Variants in XRN2 observed in about 807,000 individuals in gnomAD.
The protein encoded by XRN2 is 5'-3' exoribonuclease 2.
A neutral mutation model predicts 138.5 loss-of-function variants in XRN2; 44 were observed. The observed-to-expected ratio is 0.32, with a 90% confidence interval of 0.25 to 0.41. The LOEUF is 0.41. Among genes scored for constraint, XRN2 ranks in the 10% least tolerant of loss-of-function variants. XRN2 has a pLI of 1.00. For synonymous variants in XRN2, 354 were observed against 369.4 expected (o/e 0.96, Z 0.48); for missense variants, 937 against 1,169.3 (o/e 0.80, Z 2.90).
intron 13 of XRN2, among the ~76,000 whole-genome samples, chr20:21,336,089 G>C (rs1397167472): frequency 6.6e-6 from 1 of 152,214 alleles, no homozygotes; most frequent in African/African-American, 2.4e-5. Flanking sequence ...GTGGTCTTCT[G>C]TTTGTGCGTG....
intron 20 of XRN2, among the ~76,000 whole-genome samples, chr20:21,354,414 A>G (rs546846339): frequency 4.5e-4 from 68 of 152,312 alleles, no homozygotes; most frequent in African/African-American, 1.6e-3. Flanking sequence ...GAAAGGACAC[A>G]CTCAAGCCCT....
At chr20:21,332,758 C>A (rs1444202055) in intron 9 of XRN2, among the ~76,000 whole-genome samples, 1 of 152,082 alleles carries the variant, frequency 6.6e-6, no homozygotes, top group East Asian at 1.9e-4. Flanking sequence ...ACACACTCAT[C>A]CTTTCTACTT....
chr20:21,350,912 A>C (rs910804107), intron 20 of XRN2, among the ~76,000 whole-genome samples: 3 of 152,160 alleles, frequency 2.0e-5, no homozygotes, highest in African/African-American at 7.2e-5. Flanking sequence ...ATCATGTATT[A>C]TTACATGTTA....
chr20:21,375,615 T>C (rs2038811746), intron 27 of XRN2, among the ~76,000 whole-genome samples: 1 of 151,790 alleles, frequency 6.6e-6, no homozygotes, highest in South Asian at 2.1e-4. Context: ...TCCAATAATC[T>C]TTTAAAAATA....
intron 1 of XRN2, among the ~76,000 whole-genome samples, chr20:21,305,227 A>T (rs2037799222): frequency 6.6e-6 from 1 of 151,944 alleles, no homozygotes; most frequent in Admixed American, 6.6e-5. Context: ...CTTCAGTGGG[A>T]GGTACTGTTT....
chr20:21,360,301 C>T (rs1230177139), intron 24 of XRN2, among the ~76,000 whole-genome samples: 1 of 152,188 alleles, frequency 6.6e-6, no homozygotes, highest in Non-Finnish European at 1.5e-5. Context: ...CTTCAATACC[C>T]TTTGACCTCC....
intron 27 of XRN2, among the ~76,000 whole-genome samples, chr20:21,376,209 A>G (rs2038821247): frequency 6.6e-6 from 1 of 151,880 alleles, no homozygotes; most frequent in Admixed American, 6.6e-5. Flanking sequence ...CACAGATTTA[A>G]CCAGGCGTGG....
chr20:21,342,349 A>T (rs2038382760), intron 15 of XRN2, among the ~76,000 whole-genome samples: 1 of 152,030 alleles, frequency 6.6e-6, no homozygotes, highest in South Asian at 2.1e-4. Context: ...ATTATATCTA[A>T]TTTGATGAAA....
At chr20:21,344,054 GA>G in intron 15 of XRN2, 35 bp from the exon 16 acceptor site, 1 of 1,486,064 alleles carries the variant, frequency 6.7e-7, no homozygotes, top group Non-Finnish European at 9.4e-7. Context: ...AATGAATAAT[GA>G]AATCCTTCTT....
Position 21,354,795 on chromosome 20 carries a change from C to G in XRN2, c.1943C>G (p.Ala648Gly), listed in dbSNP as rs765804777. Residue 648 changes from alanine (A) to glycine (G), a missense_variant, in exon 21 of 30, where the codon GCT (alanine) becomes GGT (glycine). Ala to Gly is a moderately conservative substitution (Grantham distance 60). This residue lies in a region of XRN2 where 372 missense variants were observed against 414.4 expected (regional missense o/e 0.90). Transcript: ENST00000377191. ...TTTGCACTTGTTTTTTCAGGTGTTG[C>G]TCTCTTGCCATTCGTGGATGAGCGA... ...NGKKYAWQGVALLPFVDERRL... is the reference protein window; with the variant it reads ...NGKKYAWQGVGLLPFVDERRL... The G allele has an allele frequency of 3.1e-6, 5 of 1,613,890 alleles. No homozygotes were observed. The highest frequency in any genetic ancestry group is 1.7e-5 in the Admixed American group (1 of 60,002).
intron 1 of XRN2, among the ~76,000 whole-genome samples, 197 bp from the exon 2 acceptor site, chr20:21,326,082 A>T (rs1024019890): frequency 6.6e-6 from 1 of 152,260 alleles, no homozygotes; most frequent in Non-Finnish European, 1.5e-5. Context: ...AACTTGTGTT[A>T]GAAGCCATCC....
At position 21,303,455 on chromosome 20, in the gene XRN2, C is replaced by T. The variant is rs1358846031; in HGVS notation, c.57C>T (p.Val19=). 3 of 1,547,036 alleles carry T rather than the reference C, an allele frequency of 1.9e-6. No individual in the cohort carries two copies. In the East Asian group the frequency reaches 7.5e-5, roughly 39 times the overall value. ...GCCGCAAGTACCCGTCCATCATAGTCAACTGCGTGGAAGAGAAGGTGAGGA... is the reference window on the plus strand; with the variant it reads ...GCCGCAAGTACCCGTCCATCATAGTTAACTGCGTGGAAGAGAAGGTGAGGA... ...WLSRKYPSII[V]NCVEEKPKEC... is the part of the protein sequence containing the mutation. Residue 19 remains valine, a synonymous_variant, in exon 1 of 30, where the codon GTC becomes GTT. Transcript: ENST00000377191.
intron 28 of XRN2, among the ~76,000 whole-genome samples, chr20:21,385,473 A>G (rs1030864049): frequency 1.3e-5 from 2 of 152,244 alleles, no homozygotes; most frequent in Non-Finnish European, 2.9e-5. Context: ...TAAAAGCCCT[A>G]GCCATATGCA....
intron 15 of XRN2, among the ~76,000 whole-genome samples, chr20:21,341,772 A>G (rs1347492334): frequency 6.6e-6 from 1 of 152,224 alleles, no homozygotes; most frequent in Non-Finnish European, 1.5e-5. Context: ...CCATCATTCA[A>G]GATTTTAGTG....
At chr20:21,374,248 TTA>T (rs1167305186) in intron 27 of XRN2, among the ~76,000 whole-genome samples, 2 of 152,202 alleles carry the variant, frequency 1.3e-5, no homozygotes, top group Non-Finnish European at 2.9e-5. Context: ...GTGTACACAA[TTA>T]TGTCATCTCC....
chr20:21,336,379 T>C (rs557786449), intron 13 of XRN2, among the ~76,000 whole-genome samples: 1 of 152,104 alleles, frequency 6.6e-6, no homozygotes, highest in East Asian at 1.9e-4. Context: ...GGAGAATTGC[T>C]TGAACCCAAG....
intron 1 of XRN2, among the ~76,000 whole-genome samples, chr20:21,324,973 T>C (rs542121476): frequency 1.3e-5 from 2 of 152,180 alleles, no homozygotes; most frequent in Non-Finnish European, 2.9e-5. Context: ...TTGCTACCCA[T>C]CTCCCTCCCC....
chr20:21,336,064 A>G (rs2038285851), intron 13 of XRN2, among the ~76,000 whole-genome samples: 3 of 152,272 alleles, frequency 2.0e-5, no homozygotes, highest in Non-Finnish European at 2.9e-5. Flanking sequence ...GGAGAGATCC[A>G]TAAGGTCCAC....
chr20:21,339,125 G>T (rs371243737), intron 14 of XRN2, 37 bp downstream of exon 14: 2 of 1,568,878 alleles, frequency 1.3e-6, no homozygotes, highest in Admixed American at 3.5e-5. Flanking sequence ...TGGCAATAGC[G>T]TAATTTTACA....
Sources: allele counts gnomAD v4.1 joint callset (sites outside exome capture counted in the v4.1 genomes callset), GRCh38; gene constraint gnomAD v4.1.1; regional missense constraint gnomAD v4.1.1; transcripts MANE v1.5; gene names NCBI Gene and HGNC (gene_info 2026-07-23, HGNC 2026-07-21).